CPNE4: variants seen among roughly 807,000 people sequenced by gnomAD.
CPNE4 encodes copine 4, also known as copine-4.
Under a neutral mutation model 67.9 loss-of-function variants are expected in CPNE4, and 25 were observed. The observed-to-expected ratio is 0.37, with a 90% CI of 0.27 to 0.51. CPNE4 has a LOEUF of 0.51. Among genes scored for constraint, CPNE4 ranks in the 20% least tolerant of loss-of-function variants. The pLI, the probability that CPNE4 is intolerant of heterozygous loss-of-function variation, is 0.93. For synonymous variants in CPNE4, 242 were observed against 244.9 expected (o/e 0.99, Z 0.11); for missense variants, 464 against 690.8 (o/e 0.67, Z 3.68).
intron 14 of CPNE4, among the ~76,000 whole-genome samples, chr3:131,545,919 G>T (rs34307846): frequency 0.15 from 23,348 of 151,972 alleles, 1,876 homozygotes; most frequent in African/African-American, 0.21. Context: ...AAAATTGGCT[G>T]GGCGTGGTGG....
At chr3:131,579,166 C>T (rs1014687601) in intron 9 of CPNE4, among the ~76,000 whole-genome samples, 4 of 152,174 alleles carry the variant, frequency 2.6e-5, no homozygotes, top group African/African-American at 4.8e-5. Context: ...TTTACCATTT[C>T]AAAAATTCTA....
intron 7 of CPNE4, among the ~76,000 whole-genome samples, chr3:131,638,090 A>G (rs2079440341): frequency 6.6e-6 from 1 of 152,144 alleles, no homozygotes; most frequent in African/African-American, 2.4e-5. Flanking sequence ...TCCTTAAAGC[A>G]TATTTCTCAC....
chr3:131,614,654 A>G (rs1409072928), intron 7 of CPNE4, among the ~76,000 whole-genome samples: 2 of 152,186 alleles, frequency 1.3e-5, no homozygotes, highest in African/African-American at 4.8e-5. Flanking sequence ...TATGTAGGAA[A>G]CTGAAGGAGA....
At chr3:131,737,882 T>A in intron 2 of CPNE4, among the ~76,000 whole-genome samples, 1 of 152,196 alleles carries the variant, frequency 6.6e-6, no homozygotes, top group East Asian at 1.9e-4. Flanking sequence ...AAATGTCTTA[T>A]TTATTCATCT....
At chr3:132,005,149 AG>A (rs2073555191) in intron 1 of CPNE4, among the ~76,000 whole-genome samples, 1 of 151,736 alleles carries the variant, frequency 6.6e-6, no homozygotes, top group Admixed American at 6.6e-5. Context: ...GAAATGGCAA[AG>A]CCAAAGATCA....
rs531299713 is a variant in CPNE4, at chr3:131,867,800, C to T, written c.180+37464G>A. ...ATCCTCTCTTTTGACCGCATTTCCTCATCTGTAAAATGAAAGAGATGAACC... is the reference window on the plus strand; with the variant it reads ...ATCCTCTCTTTTGACCGCATTTCCTTATCTGTAAAATGAAAGAGATGAACC... On this transcript the variant is annotated intron_variant, in intron 2 of 15. Coordinates refer to ENST00000429747, the MANE Select transcript of CPNE4 (RefSeq NM_130808.3). Among the ~76,000 whole-genome samples, 196 of 152,266 alleles carry T rather than the reference C, an allele frequency of 1.3e-3. 1 individual carries two copies. The Middle Eastern group carries it at 0.017, about 13-fold the overall frequency.
At chr3:131,654,848 G>C (rs553574183) in intron 7 of CPNE4, among the ~76,000 whole-genome samples, 1 of 152,244 alleles carries the variant, frequency 6.6e-6, no homozygotes. Flanking sequence ...GCAACTAGTG[G>C]ATAGAGGCTC....
chr3:131,656,759 G>A (rs1367895470), intron 7 of CPNE4, among the ~76,000 whole-genome samples: 2 of 152,190 alleles, frequency 1.3e-5, no homozygotes, highest in African/African-American at 4.8e-5. Context: ...GGTGGTAAGT[G>A]CCATGAAGGA....
intron 1 of CPNE4, among the ~76,000 whole-genome samples, chr3:131,968,150 G>C (rs1449213754): frequency 6.6e-6 from 1 of 152,170 alleles, no homozygotes; most frequent in Non-Finnish European, 1.5e-5. Context: ...AAACTGGCTA[G>C]TGATATTCAG....
chr3:131,806,279 G>A (rs1385600300), intron 2 of CPNE4, among the ~76,000 whole-genome samples: 4 of 152,116 alleles, frequency 2.6e-5, no homozygotes, highest in Admixed American at 2.0e-4. Context: ...GGCCAGGCGC[G>A]GTGGCTCATG....
intron 6 of CPNE4, among the ~76,000 whole-genome samples, chr3:131,677,258 G>T (rs944418463): frequency 2.0e-5 from 3 of 150,756 alleles, no homozygotes; most frequent in African/African-American, 7.3e-5. Flanking sequence ...AAGTTTCAGG[G>T]TACCTTTGCC....
intron 2 of CPNE4, among the ~76,000 whole-genome samples, chr3:131,733,717 C>T (rs1177683418): frequency 6.6e-6 from 1 of 152,262 alleles, no homozygotes; most frequent in Non-Finnish European, 1.5e-5. Flanking sequence ...TCTAATCCCA[C>T]ACAAGTGTAA....
intron 2 of CPNE4, among the ~76,000 whole-genome samples, chr3:131,819,587 A>G (rs2084885731): frequency 6.6e-6 from 1 of 152,100 alleles, no homozygotes; most frequent in Admixed American, 6.6e-5. Context: ...GTTCCCTAGG[A>G]GTGAGAAGTA....
chr3:131,874,977 C>T (rs1230651289), intron 2 of CPNE4, among the ~76,000 whole-genome samples: 2 of 152,188 alleles, frequency 1.3e-5, no homozygotes, highest in African/African-American at 4.8e-5. Flanking sequence ...CTGGCCTTGA[C>T]TAAGGAGATT....
chr3:131,646,837 G>T (rs147457268), intron 7 of CPNE4, among the ~76,000 whole-genome samples: 1 of 152,198 alleles, frequency 6.6e-6, no homozygotes, highest in African/African-American at 2.4e-5. Context: ...AAAGTTCTAG[G>T]CATCCAGTGA....
chr3:131,779,120 A>C (rs1406129469), intron 2 of CPNE4, among the ~76,000 whole-genome samples: 2 of 152,090 alleles, frequency 1.3e-5, no homozygotes, highest in South Asian at 4.1e-4. Context: ...CTAGGAATAC[A>C]GCTAACGAGG....
chr3:132,001,615 G>GAAAGAA (rs2073453076), intron 1 of CPNE4, among the ~76,000 whole-genome samples: 1 of 146,826 alleles, frequency 6.8e-6, no homozygotes, highest in African/African-American at 2.5e-5. Context: ...AAGAAAGAAA[G>GAAAGAA]AAAATGAAGA....
At chr3:132,027,054 T>C (rs1302830378) in intron 1 of CPNE4, among the ~76,000 whole-genome samples, 1 of 152,244 alleles carries the variant, frequency 6.6e-6, no homozygotes, top group Non-Finnish European at 1.5e-5. Flanking sequence ...TTTCCTGATA[T>C]GAGTGAGGAA....
chr3:131,829,708 T>C (rs553803789), intron 2 of CPNE4, among the ~76,000 whole-genome samples: 1 of 152,302 alleles, frequency 6.6e-6, no homozygotes, highest in African/African-American at 2.4e-5. Flanking sequence ...GATACTAAGC[T>C]AGAATAAATC....
Sources: allele counts gnomAD v4.1 joint callset (sites outside exome capture counted in the v4.1 genomes callset), GRCh38; gene constraint gnomAD v4.1.1; transcripts MANE v1.5; gene names NCBI Gene and HGNC (gene_info 2026-07-23, HGNC 2026-07-21).